Variants in RTL4 observed in about 807,000 individuals in gnomAD.
RTL4 encodes the protein retrotransposon Gag like 4, also known as retrotransposon Gag-like protein 4.
In RTL4, 4 loss-of-function variants were observed where a neutral mutation model predicts 5.3. The observed-to-expected ratio is 0.75, with a 90% CI of 0.37 to 1.72. The LOEUF (loss-of-function observed/expected upper bound fraction) is 1.72. RTL4 is among the 40% of genes most tolerant of loss of function. The probability of loss-of-function intolerance (pLI) is 0.04; values close to 1 mark genes in which losing one functional copy is unlikely to be tolerated. For missense variants in RTL4, 260 were observed against 227.1 expected (o/e 1.14, Z -0.93); for synonymous variants, 98 against 87.3 (o/e 1.12, Z -0.68).
At chrX:112,200,744 A>G in the RTL4 span, among the ~76,000 whole-genome samples, 1 of 112,139 alleles carries the variant, frequency 8.9e-6, no homozygotes, top group Non-Finnish European at 1.9e-5. Flanking sequence ...TGGAAACACC[A>G]TTATTATCCA....
chrX:112,445,367 T>C, the RTL4 span, among the ~76,000 whole-genome samples: 1 of 112,665 alleles, frequency 8.9e-6, no homozygotes, highest in Admixed American at 9.4e-5. Context: ...TTGTTCCAAC[T>C]GAACCTGTTT....
At chrX:112,446,032 C>T in the RTL4 span, among the ~76,000 whole-genome samples, 1 of 111,215 alleles carries the variant, frequency 9.0e-6, no homozygotes, top group Non-Finnish European at 1.9e-5. Context: ...AGGAAGGTTG[C>T]AGCAGCTGCT....
At chrX:112,339,029 T>C in the RTL4 span, among the ~76,000 whole-genome samples, 2 of 111,295 alleles carry the variant, frequency 1.8e-5, no homozygotes, top group Admixed American at 9.6e-5. Context: ...AATATACAGG[T>C]ACAAAATGTA....
chrX:112,424,266 A>G, the RTL4 span, among the ~76,000 whole-genome samples: 1 of 112,070 alleles, frequency 8.9e-6, no homozygotes, highest in Non-Finnish European at 1.9e-5. Context: ...GCAAATGCAC[A>G]GATGTTGTTA....
chrX:112,224,492 C>T, the RTL4 span, among the ~76,000 whole-genome samples: 1 of 109,473 alleles, frequency 9.1e-6, no homozygotes, highest in Non-Finnish European at 1.9e-5. Flanking sequence ...CAGGTATGTG[C>T]CACCATGCCT....
At chrX:112,355,688 G>T in the RTL4 span, among the ~76,000 whole-genome samples, 6 of 110,966 alleles carry the variant, frequency 5.4e-5, no homozygotes, top group African/African-American at 1.6e-4. Context: ...GCGCTGGGGT[G>T]GGATGATCCT....
chrX:112,317,325 C>T, the RTL4 span, among the ~76,000 whole-genome samples: 43 of 111,798 alleles, frequency 3.8e-4, no homozygotes, highest in African/African-American at 7.1e-4. Flanking sequence ...ATCCCAGAGA[C>T]GTAATTACCA....
the RTL4 span, among the ~76,000 whole-genome samples, chrX:112,404,360 TAC>T: frequency 8.9e-6 from 1 of 112,359 alleles, no homozygotes; most frequent in African/African-American, 3.2e-5. Flanking sequence ...CAACTCAGTG[TAC>T]AGTTTTCTTT....
chrX:112,320,823 T>C, the RTL4 span, among the ~76,000 whole-genome samples: 8 of 111,794 alleles, frequency 7.2e-5, no homozygotes, highest in Non-Finnish European at 1.3e-4. Flanking sequence ...CCACATAGGA[T>C]CAATGGAAAA....
At chrX:112,323,821 T>C in the RTL4 span, among the ~76,000 whole-genome samples, 1 of 112,438 alleles carries the variant, frequency 8.9e-6, no homozygotes, top group Non-Finnish European at 1.9e-5. Flanking sequence ...ATATCTATCT[T>C]TTGTTCTAAA....
chrX:112,321,397 G>A, the RTL4 span, among the ~76,000 whole-genome samples: 1 of 109,546 alleles, frequency 9.1e-6, no homozygotes, highest in Non-Finnish European at 1.9e-5. Context: ...TTCGCTGGGT[G>A]TGGTGGCGCG....
the RTL4 span, among the ~76,000 whole-genome samples, chrX:112,428,831 T>C: frequency 9.0e-6 from 1 of 111,602 alleles, no homozygotes; most frequent in East Asian, 2.8e-4. Context: ...ATTTGGAGAC[T>C]CTCTCATTAG....
chrX:112,146,283 C>T, the RTL4 span, among the ~76,000 whole-genome samples: 3 of 110,787 alleles, frequency 2.7e-5, no homozygotes, highest in Non-Finnish European at 3.8e-5. Flanking sequence ...TTGGTTTGAA[C>T]AACTTGGGGG....
chrX:112,096,396 A>T, the RTL4 span, among the ~76,000 whole-genome samples: 2 of 111,530 alleles, frequency 1.8e-5, no homozygotes, highest in Admixed American at 1.9e-4. Context: ...TTTCAGTTAT[A>T]TGTGACCTAG....
chrX:112,157,345 C>G, the RTL4 span, among the ~76,000 whole-genome samples: 1 of 110,671 alleles, frequency 9.0e-6, no homozygotes, highest in Admixed American at 9.7e-5. Flanking sequence ...CTAAATGATC[C>G]CTAAGTATAG....
chrX:112,176,246 C>T, the RTL4 span, among the ~76,000 whole-genome samples: 1 of 111,963 alleles, frequency 8.9e-6, no homozygotes, highest in Admixed American at 9.4e-5. Context: ...AATGGAAGAA[C>T]ATTCCATGCT....
chrX:112,129,681 C>G, the RTL4 span, among the ~76,000 whole-genome samples: 1 of 111,682 alleles, frequency 9.0e-6, no homozygotes, highest in East Asian at 2.8e-4. Flanking sequence ...AAAGAGGCAT[C>G]CAGATGGGAA....
chrX:112,109,970 G>C, the RTL4 span, among the ~76,000 whole-genome samples: 2 of 111,824 alleles, frequency 1.8e-5, no homozygotes, highest in Non-Finnish European at 3.8e-5. Flanking sequence ...AAGACCATCT[G>C]TAGCTTACTG....
chrX:112,095,350 A>G, the RTL4 span, among the ~76,000 whole-genome samples: 1 of 111,555 alleles, frequency 9.0e-6, no homozygotes, highest in African/African-American at 3.3e-5. Context: ...ATGAGAGAGC[A>G]AGCTAAGTAA....
Sources: allele counts gnomAD v4.1 joint callset (sites outside exome capture counted in the v4.1 genomes callset), GRCh38; gene constraint gnomAD v4.1.1; transcripts MANE v1.5; gene names NCBI Gene and HGNC (gene_info 2026-07-23, HGNC 2026-07-21).